The following PATJ variants were observed in gnomAD, a reference collection of about 807,000 sequenced individuals.
PATJ encodes inaD-like protein.
Under a neutral mutation model 224.9 loss-of-function variants are expected in PATJ, and 190 were observed. That is an observed-to-expected ratio of 0.84 (90% confidence interval 0.75 to 0.95). The LOEUF is 0.95. Ranked by LOEUF, PATJ falls within the 40% of genes least tolerant of loss-of-function variation. PATJ has a pLI of 0.00. For missense variants in PATJ, 2,121 were observed against 2,270.3 expected (o/e 0.93, Z 1.34); for synonymous variants, 769 against 820.3 (o/e 0.94, Z 1.07).
chr1:62,149,608 TA>T (rs58909236), intron 42 of PATJ, among the ~76,000 whole-genome samples: 47,166 of 145,564 alleles, frequency 0.32, 8,434 homozygotes, highest in East Asian at 0.73. Context: ...GCCTTTTCCT[TA>T]AAAAAAAAAA....
intron 43 of PATJ, among the ~76,000 whole-genome samples, chr1:62,154,852 G>A (rs1558244851): frequency 6.6e-6 from 1 of 152,042 alleles, no homozygotes; most frequent in Admixed American, 6.6e-5. Flanking sequence ...ATTTACTTTT[G>A]GACCACATTG....
At chr1:61,951,358 A>G (rs1425064832) in intron 27 of PATJ, among the ~76,000 whole-genome samples, 1 of 152,126 alleles carries the variant, frequency 6.6e-6, no homozygotes, top group Non-Finnish European at 1.5e-5. Context: ...ATTGTTTAAT[A>G]CCTTTTGAGT....
intron 24 of PATJ, among the ~76,000 whole-genome samples, chr1:61,903,223 T>A (rs1361235221): frequency 6.6e-6 from 1 of 152,120 alleles, no homozygotes; most frequent in Non-Finnish European, 1.5e-5. Context: ...TTGCAGTAAC[T>A]TAGGAGAGAA....
intron 27 of PATJ, among the ~76,000 whole-genome samples, chr1:61,950,643 C>T (rs544815754): frequency 6.6e-6 from 1 of 152,062 alleles, no homozygotes; most frequent in Non-Finnish European, 1.5e-5. Flanking sequence ...TAAGAATGTT[C>T]ACGTCAAACT....
intron 21 of PATJ, among the ~76,000 whole-genome samples, chr1:61,878,496 A>G (rs1398141567): frequency 6.6e-6 from 1 of 152,162 alleles, no homozygotes; most frequent in African/African-American, 2.4e-5. Context: ...TAGTGAGTTT[A>G]CCAGAAAATT....
chr1:62,001,144 G>T (rs1407858088), intron 28 of PATJ, among the ~76,000 whole-genome samples: 1 of 151,088 alleles, frequency 6.6e-6, no homozygotes, highest in Non-Finnish European at 1.5e-5. Flanking sequence ...TAGGTTGCCT[G>T]TTCACTCTGA....
intron 24 of PATJ, among the ~76,000 whole-genome samples, chr1:61,901,661 T>C (rs997647520): frequency 5.3e-5 from 8 of 152,146 alleles, no homozygotes; most frequent in Admixed American, 1.3e-4. Context: ...ACAAATAAAA[T>C]GATAAAAACT....
At chr1:61,813,687 G>A (rs1156661773) in intron 14 of PATJ, among the ~76,000 whole-genome samples, 1 of 152,044 alleles carries the variant, frequency 6.6e-6, no homozygotes, top group Non-Finnish European at 1.5e-5. Flanking sequence ...TATGTGCCAT[G>A]GAGAATATTA....
intron 41 of PATJ, among the ~76,000 whole-genome samples, chr1:62,131,872 ATTT>A (rs11313790): frequency 6.8e-6 from 1 of 146,476 alleles, no homozygotes; most frequent in Non-Finnish European, 1.5e-5. Context: ...ATGAATTATT[ATTT>A]TTTTTTTTTT....
At chr1:62,021,989 C>T (rs889512347) in intron 29 of PATJ, among the ~76,000 whole-genome samples, 83 of 152,114 alleles carry the variant, frequency 5.5e-4, no homozygotes, top group African/African-American at 2.0e-3. Flanking sequence ...TGAAATTATT[C>T]TCTGTGCTTT....
chr1:62,026,880 GA>G (rs1293588649), intron 29 of PATJ, among the ~76,000 whole-genome samples: 1 of 152,148 alleles, frequency 6.6e-6, no homozygotes, highest in Non-Finnish European at 1.5e-5. Flanking sequence ...CAAAATAATT[GA>G]AAGCTGGGTC....
At chr1:62,064,293 C>T (rs1570408789) in intron 31 of PATJ, among the ~76,000 whole-genome samples, 1 of 147,182 alleles carries the variant, frequency 6.8e-6, no homozygotes, top group Non-Finnish European at 1.5e-5. Context: ...GACTTAATGA[C>T]TTTTGAAGTA....
intron 27 of PATJ, among the ~76,000 whole-genome samples, chr1:61,935,086 GCATTCATTCTTTCAGCGA>G (rs140948637): frequency 0.013 from 1,865 of 143,882 alleles, 40 homozygotes; most frequent in African/African-American, 0.052. Context: ...TAACCTGCAA[GCATTCATTCTTTCAGCGA>G]CATTTTTCAA....
At chr1:61,985,783 C>T (rs1644724153) in intron 27 of PATJ, among the ~76,000 whole-genome samples, 1 of 152,018 alleles carries the variant, frequency 6.6e-6, no homozygotes, top group Admixed American at 6.5e-5. Context: ...TGTGGCTTTT[C>T]TTCATGCCAT....
In PATJ at chr1:61,815,337, G is replaced by A. The variant is rs147469633; in HGVS notation, c.1683+6807G>A. ...GCAGAGGAAGACTAGGTGTTAAAGG[G>A]CCCCTTGGGAGCCACTGTGATATGT... is the stretch of plus-strand genomic sequence containing the variant. On this transcript the variant is annotated intron_variant, in intron 14 of 43. Transcript: ENST00000642238. Among the ~76,000 whole-genome samples, 9 of 152,300 alleles carry A rather than the reference G, an allele frequency of 5.9e-5. No homozygotes were observed. In the East Asian group the frequency reaches 1.7e-3, roughly 29 times the overall value.
At chr1:62,127,367 A>G (rs994127252) in intron 39 of PATJ, among the ~76,000 whole-genome samples, 6 of 151,410 alleles carry the variant, frequency 4.0e-5, no homozygotes, top group Admixed American at 3.3e-4. Flanking sequence ...TCAGGCATAC[A>G]AGCCTGAGAA....
Position 62,117,192 on chromosome 1 carries a change from G to T in PATJ, c.4864G>T (p.Ala1622Ser), listed in dbSNP as rs766785481. ...GRLRAGSWTS[A>S]RTTSQNSQGS... is the part of the protein sequence containing the mutation. ...ACTCCGAGCTGGTTCCTGGACCTCC[G>T]CAAGGACGACATCACAGAACAGTCA... The change falls in exon 37 of 44, where the codon GCA becomes TCA. Residue 1622 changes from alanine (A) to serine (S), a missense_variant. Ala to Ser is a moderately conservative substitution (Grantham distance 99). Coordinates refer to ENST00000642238, the MANE Select transcript of PATJ (RefSeq NM_001350145.3). 7.4e-6 allele frequency: 12 copies of T among 1,613,908 alleles called. No homozygotes were observed. The East Asian group carries it at 2.5e-4, about 33-fold the overall frequency.
chr1:61,964,994 G>A (rs1278585533), intron 27 of PATJ, among the ~76,000 whole-genome samples: 5 of 150,360 alleles, frequency 3.3e-5, no homozygotes, highest in Admixed American at 6.6e-5. Context: ...TGCCTGTAGC[G>A]CCAGCTGCTC....
At chr1:61,981,173 G>A (rs1006269369) in intron 27 of PATJ, among the ~76,000 whole-genome samples, 3 of 152,012 alleles carry the variant, frequency 2.0e-5, no homozygotes, top group African/African-American at 7.3e-5. Flanking sequence ...TTTGGTCTCT[G>A]TGAACTTTTG....
Sources: allele counts gnomAD v4.1 joint callset (sites outside exome capture counted in the v4.1 genomes callset), GRCh38; gene constraint gnomAD v4.1.1; transcripts MANE v1.5; gene names NCBI Gene and HGNC (gene_info 2026-07-23, HGNC 2026-07-21).